The following CNBD2 variants were observed in gnomAD, a reference collection of about 807,000 sequenced individuals.
The protein encoded by CNBD2 is cyclic nucleotide-binding domain-containing protein 2.
CNBD2 carries 64 observed loss-of-function variants against 63.7 expected under a neutral mutation model. The ratio of observed to expected loss-of-function variants is 1.00; its 90% CI spans 0.82 to 1.24. The LOEUF (loss-of-function observed/expected upper bound fraction) is 1.24. CNBD2 is among the 50% of genes most tolerant of loss of function. CNBD2 has a pLI of 0.00. For synonymous variants in CNBD2, 229 were observed against 255.4 expected (o/e 0.90, Z 0.99); for missense variants, 691 against 713.5 (o/e 0.97, Z 0.36).
intron 8 of CNBD2, among the ~76,000 whole-genome samples, chr20:36,001,524 C>G (rs894555170): frequency 1.4e-5 from 2 of 144,118 alleles, no homozygotes; most frequent in African/African-American, 2.6e-5. Context: ...CCGGACGGGG[C>G]GGCCGGCTGG....
intron 10 of CNBD2, among the ~76,000 whole-genome samples, chr20:36,022,270 C>A (rs1180116169): frequency 7.3e-6 from 1 of 137,418 alleles, no homozygotes; most frequent in East Asian, 2.3e-4. Context: ...GCAATTTTGG[C>A]TCATTGCAAC....
At chr20:36,020,952 T>A (rs1336765057) in intron 10 of CNBD2, among the ~76,000 whole-genome samples, 2 of 152,124 alleles carry the variant, frequency 1.3e-5, no homozygotes. Flanking sequence ...AATTTGTACG[T>A]GGTCATATTT....
intron 2 of CNBD2, 64 bp downstream of exon 2, chr20:35,972,830 T>G (rs1383412201): frequency 1.3e-6 from 2 of 1,522,936 alleles, no homozygotes; most frequent in Non-Finnish European, 1.8e-6. Context: ...GCATCCCACT[T>G]CCTGGCCTAA....
chr20:35,995,935 A>C (rs916988864), intron 8 of CNBD2, among the ~76,000 whole-genome samples: 1 of 152,212 alleles, frequency 6.6e-6, no homozygotes, highest in Admixed American at 6.5e-5. Context: ...GAGGGGCTGC[A>C]TCTGGTGAAG....
Position 36,011,143 on chromosome 20 carries a change from G to A in CNBD2, c.1155G>A (p.Arg385=). Residue 385 remains arginine (R), a synonymous_variant, in exon 10 of 12, where the codon AGG becomes AGA. Coordinates refer to ENST00000373973, the MANE Select transcript of CNBD2 (RefSeq NM_001365709.1). ...PKMLGPKIQS[R]PAQSIKCAMI... ...ACAAGCTGTCACATTTCAGATCCAG[G>A]CCTGCTCAGTCGATCAAATGTGCCA... 1 of 1,569,976 alleles carries A rather than the reference G, an allele frequency of 6.4e-7. No homozygotes were observed. Among genetic ancestry groups the A allele is most frequent in the Non-Finnish European group, 8.6e-7 (1 of 1,156,794 alleles).
rs192083624 is a variant in CNBD2, at chr20:35,992,770, G to A, written c.856-2268G>A. On this transcript the variant is annotated intron_variant, in intron 7 of 11. Coordinates refer to ENST00000373973, the MANE Select transcript of CNBD2 (RefSeq NM_001365709.1). ...CCTCCCCCACCCCCCGACCCTGGTTGGAAATGAAAAGCACCAGCCCCCTCT... is the reference window on the plus strand; with the variant it reads ...CCTCCCCCACCCCCCGACCCTGGTTAGAAATGAAAAGCACCAGCCCCCTCT... 3.5e-3 allele frequency among the ~76,000 whole-genome samples: 472 copies of A among 133,998 alleles called. 4 individuals carry two copies. The highest frequency in any genetic ancestry group is 0.013 in the African/African-American group (456 of 35,032). 87.9% of individuals were successfully genotyped at this position (133,998 alleles called of 152,430 possible).
chr20:36,004,853 G>A (rs941300525), intron 8 of CNBD2, among the ~76,000 whole-genome samples: 5 of 152,004 alleles, frequency 3.3e-5, no homozygotes, highest in South Asian at 4.1e-4. Context: ...ATGAGCCACC[G>A]CATCTATCCT....
intron 10 of CNBD2, among the ~76,000 whole-genome samples, chr20:36,018,484 G>C (rs1404125098): frequency 1.3e-5 from 2 of 152,198 alleles, no homozygotes; most frequent in Non-Finnish European, 2.9e-5. Flanking sequence ...GGATGCCTTC[G>C]TGAGGTGCCT....
chr20:35,991,944 G>A lies in CNBD2; in HGVS notation c.856-3094G>A, dbSNP rs145707516. Among the ~76,000 whole-genome samples, 842 of 151,868 alleles carry A rather than the reference G, an allele frequency of 5.5e-3. 10 individuals carry two copies. Among genetic ancestry groups the A allele is most frequent in the African/African-American group, 0.02 (809 of 41,368 alleles). On this transcript the variant is annotated intron_variant, in intron 7 of 11. Coordinates refer to ENST00000373973, the MANE Select transcript of CNBD2 (RefSeq NM_001365709.1). Reference sequence around the variant, plus strand: ...CGCCCAGGCTGGAGTGCAATGGCACGATCTTGGCTCACTGCAACCTCCACC... The same window carrying A: ...CGCCCAGGCTGGAGTGCAATGGCACAATCTTGGCTCACTGCAACCTCCACC...
chr20:35,967,027 A>G (rs2056350799), upstream of CNBD2, among the ~76,000 whole-genome samples: 1 of 152,158 alleles, frequency 6.6e-6, no homozygotes, highest in African/African-American at 2.4e-5. Context: ...TTGCCTTGAG[A>G]GACAATAGTC....
intron 2 of CNBD2, chr20:35,974,673 T>A (rs561995832): frequency 2.6e-5 from 4 of 152,436 alleles, no homozygotes; most frequent in African/African-American, 9.6e-5. Context: ...AAGCACCACA[T>A]GGCTATGCAA....
chr20:35,983,878 G>C, intron 4 of CNBD2, 104 bp from the exon 5 acceptor site: 1 of 1,360,436 alleles, frequency 7.4e-7, no homozygotes, highest in Non-Finnish European at 1.0e-6. Context: ...CCAAGTCTGT[G>C]CTCTTATATC....
chr20:35,965,509 A>T (rs2056339120), upstream of CNBD2, among the ~76,000 whole-genome samples: 1 of 152,178 alleles, frequency 6.6e-6, no homozygotes, highest in Non-Finnish European at 1.5e-5. Context: ...GTGGAATTGA[A>T]TCGAACTCCA....
chr20:36,015,934 A>G (rs537123376), intron 10 of CNBD2, among the ~76,000 whole-genome samples: 1 of 152,306 alleles, frequency 6.6e-6, no homozygotes, highest in South Asian at 2.1e-4. Context: ...AGAGTACAGT[A>G]TGGCAAGGGG....
rs1484206024 is a variant in CNBD2 at position 36,001,526 on chromosome 20, G to A, written c.970+6374G>A. On this transcript the variant is annotated intron_variant, in intron 8 of 11. Coordinates refer to ENST00000373973, the MANE Select transcript of CNBD2 (RefSeq NM_001365709.1). ...CCCCACCTCCCTCCCGGACGGGGCGGCCGGCTGGGCGGAGACGCTCCTCAC... is the reference window on the plus strand; with the variant it reads ...CCCCACCTCCCTCCCGGACGGGGCGACCGGCTGGGCGGAGACGCTCCTCAC... Among the ~76,000 whole-genome samples the A allele has an allele frequency of 3.4e-5, 5 of 148,074 alleles. No homozygotes were observed. The East Asian group carries it at 1.0e-3, about 30-fold the overall frequency.
intron 3 of CNBD2, 147 bp downstream of exon 3, chr20:35,976,149 C>T: frequency 4.6e-6 from 3 of 657,812 alleles, no homozygotes; most frequent in Middle Eastern, 3.9e-4. Flanking sequence ...CACTTCGTTT[C>T]CTCATCAATA....
chr20:36,008,538 T>C (rs529418551), intron 9 of CNBD2, 64 bp downstream of exon 9: 27 of 1,468,568 alleles, frequency 1.8e-5, no homozygotes, highest in East Asian at 4.6e-5. Context: ...ATAATACTTA[T>C]ATGGCAGAAT....
At chr20:35,984,520 T>A in intron 5 of CNBD2, 107 bp from the exon 6 acceptor site, 1 of 1,199,574 alleles carries the variant, frequency 8.3e-7, no homozygotes, top group Non-Finnish European at 1.2e-6. Flanking sequence ...CACAGTCTGG[T>A]GAGGAGAGAA....
At chr20:36,002,457 A>G (rs912305509) in intron 8 of CNBD2, among the ~76,000 whole-genome samples, 2 of 151,876 alleles carry the variant, frequency 1.3e-5, no homozygotes, top group African/African-American at 4.8e-5. Context: ...GGAGAGCCTA[A>G]TTTTTGTATT....
Sources: gnomAD v4.1 joint callset for allele counts (sites outside exome capture counted in the v4.1 genomes callset) on GRCh38, gnomAD v4.1.1 for gene constraint, MANE v1.5 for transcripts, NCBI Gene and HGNC (gene_info 2026-07-23, HGNC 2026-07-21) for gene names.